STK32B: variants seen among roughly 807,000 people sequenced by gnomAD.
STK32B encodes the protein serine/threonine kinase 32B, also known as serine/threonine-protein kinase 32B.
A neutral mutation model predicts 52.6 loss-of-function variants in STK32B; 43 were observed. That is an observed-to-expected ratio of 0.82 (90% CI 0.64 to 1.05). The LOEUF (loss-of-function observed/expected upper bound fraction) is 1.05. Ranked by LOEUF, STK32B falls within the 50% of genes least tolerant of loss-of-function variation. The probability of loss-of-function intolerance (pLI) is 0.00; values close to 1 mark genes in which losing one functional copy is unlikely to be tolerated. For synonymous variants in STK32B, 238 were observed against 204.3 expected (o/e 1.17, Z -1.41); for missense variants, 621 against 534.6 (o/e 1.16, Z -1.59).
chr4:5,318,744 A>G (rs1047129531), intron 3 of STK32B, among the ~76,000 whole-genome samples: 1 of 152,176 alleles, frequency 6.6e-6, no homozygotes, highest in Non-Finnish European at 1.5e-5. Flanking sequence ...TTCATTCTGT[A>G]GAAGGATGCA....
chr4:5,315,698 G>C (rs989313544), intron 3 of STK32B, among the ~76,000 whole-genome samples: 2 of 79,892 alleles, frequency 2.5e-5, no homozygotes, highest in African/African-American at 1.0e-4. Context: ...TTTTTTTTTT[G>C]AGACGGAGTT....
intron 1 of STK32B, among the ~76,000 whole-genome samples, chr4:5,077,603 T>C (rs1712158488): frequency 1.3e-5 from 2 of 152,154 alleles, no homozygotes; most frequent in South Asian, 4.2e-4. Flanking sequence ...ATCTCTTCTC[T>C]TCTCCCTTGC....
At chr4:5,048,961 GAGTT>G (rs1470765963), upstream of STK32B, among the ~76,000 whole-genome samples, 4 of 152,350 alleles carry the variant, frequency 2.6e-5, no homozygotes, top group East Asian at 3.9e-4. Flanking sequence ...ACCCTGCAAA[GAGTT>G]AGCACAGAGC....
At chr4:5,442,330 G>C (rs1368355562) in intron 6 of STK32B, among the ~76,000 whole-genome samples, 2 of 152,124 alleles carry the variant, frequency 1.3e-5, no homozygotes. Flanking sequence ...AGCTCTTCTT[G>C]TTGAATTGAT....
intron 3 of STK32B, among the ~76,000 whole-genome samples, chr4:5,252,568 G>A (rs1365767088): frequency 1.3e-5 from 2 of 152,084 alleles, no homozygotes; most frequent in Non-Finnish European, 2.9e-5. Flanking sequence ...TTGCAGTTTG[G>A]TCAATCTGTT....
At chr4:5,068,329 C>G (rs575427551) in intron 1 of STK32B, among the ~76,000 whole-genome samples, 1 of 152,212 alleles carries the variant, frequency 6.6e-6, no homozygotes, top group African/African-American at 2.4e-5. Flanking sequence ...ACTCTGTAAG[C>G]CTTTGCACAC....
chr4:5,267,717 A>G (rs1727147315), intron 3 of STK32B, among the ~76,000 whole-genome samples: 1 of 152,192 alleles, frequency 6.6e-6, no homozygotes, highest in African/African-American at 2.4e-5. Context: ...AGAGAGAACA[A>G]ATTACCCGAG....
chr4:5,180,015 T>G (rs531742931), intron 3 of STK32B, among the ~76,000 whole-genome samples: 1 of 152,288 alleles, frequency 6.6e-6, no homozygotes, highest in African/African-American at 2.4e-5. Context: ...TTTGTCCCAT[T>G]GAGTCTCATG....
intron 1 of STK32B, among the ~76,000 whole-genome samples, chr4:5,052,332 G>T (rs1446795884): frequency 6.6e-6 from 1 of 152,166 alleles, no homozygotes; most frequent in Non-Finnish European, 1.5e-5. Flanking sequence ...GTGTCTGTGT[G>T]TGTGTGCGCG....
chr4:5,168,340 A>G lies in STK32B; in HGVS notation c.150A>G (p.Ala50=), dbSNP rs777709340. 4 of 1,613,932 alleles carry G rather than the reference A, an allele frequency of 2.5e-6. No individual in the cohort carries two copies. In the East Asian group the frequency reaches 6.7e-5, roughly 27 times the overall value. ...VQKRDTKKMY[A]MKYMNKQKCI... The stretch of plus-strand genomic sequence containing the variant: ...AGCGAGACACTAAGAAAATGTATGC[A>G]ATGAAGTACATGAACAAGCAGAAGT... Residue 50 remains alanine, a synonymous_variant, in exon 3 of 12, where the codon GCA becomes GCG. Transcript: ENST00000282908.
chr4:5,241,643 G>A (rs1347826647), intron 3 of STK32B, among the ~76,000 whole-genome samples: 1 of 151,938 alleles, frequency 6.6e-6, no homozygotes, highest in Non-Finnish European at 1.5e-5. Flanking sequence ...TGTTACATAT[G>A]TATACATGTG....
At chr4:5,273,910 G>T (rs1238880799) in intron 3 of STK32B, among the ~76,000 whole-genome samples, 1 of 150,844 alleles carries the variant, frequency 6.6e-6, no homozygotes, top group Non-Finnish European at 1.5e-5. Flanking sequence ...GTTAGTGGGT[G>T]TAGCGCACCA....
At chr4:5,447,470 A>G (rs1417943927) in intron 7 of STK32B, 2 of 151,956 alleles carry the variant, frequency 1.3e-5, no homozygotes, top group Non-Finnish European at 2.9e-5. Context: ...TCTACAAATA[A>G]TAATAATTTA....
At chr4:5,113,887 T>C (rs544557379) in intron 1 of STK32B, among the ~76,000 whole-genome samples, 1 of 151,652 alleles carries the variant, frequency 6.6e-6, no homozygotes, top group Non-Finnish European at 1.5e-5. Context: ...ACGTGGATGG[T>C]GGCAGGCAAA....
chr4:5,445,890 TG>T (rs1715364921), intron 6 of STK32B, among the ~76,000 whole-genome samples: 2 of 151,986 alleles, frequency 1.3e-5, no homozygotes, highest in African/African-American at 4.8e-5. Flanking sequence ...TTACTCATTG[TG>T]GGTATTTCAT....
chr4:5,492,512 C>T (rs1015616508), intron 11 of STK32B, among the ~76,000 whole-genome samples: 19 of 151,854 alleles, frequency 1.3e-4, no homozygotes, highest in Admixed American at 3.3e-4. Flanking sequence ...ACAATCATGT[C>T]GTCTGCAAAG....
At chr4:5,204,710 T>C (rs4689204) in intron 3 of STK32B, among the ~76,000 whole-genome samples, 101,543 of 151,770 alleles carry the variant, frequency 0.67, 34,512 homozygotes, top group East Asian at 0.8. Flanking sequence ...CCTTGTGATC[T>C]GCCCGCCTCA....
chr4:5,231,669 A>G (rs569060926), intron 3 of STK32B, among the ~76,000 whole-genome samples: 1 of 152,250 alleles, frequency 6.6e-6, no homozygotes, highest in Admixed American at 6.5e-5. Flanking sequence ...AAGAAAGAGT[A>G]GTTCTCAATG....
intron 1 of STK32B, among the ~76,000 whole-genome samples, chr4:5,086,724 G>A (rs1045278843): frequency 6.6e-6 from 1 of 151,950 alleles, no homozygotes; most frequent in African/African-American, 2.4e-5. Context: ...GACTCATCAG[G>A]TGTAGTAAGA....
Sources: allele counts gnomAD v4.1 joint callset (sites outside exome capture counted in the v4.1 genomes callset), GRCh38; gene constraint gnomAD v4.1.1; transcripts MANE v1.5; gene names NCBI Gene and HGNC (gene_info 2026-07-23, HGNC 2026-07-21).